Variants in NBAS observed in about 807,000 individuals in gnomAD.
NBAS encodes NBAS subunit of NRZ tethering complex, also known as NAG/BC035112 fusion.
In NBAS, 219 loss-of-function variants were observed where a neutral mutation model predicts 302.5. That is an observed-to-expected ratio of 0.72 (90% CI 0.65 to 0.81). The LOEUF is 0.81. NBAS is among the 30% of genes least tolerant of loss of function. The pLI is 0.00. For missense variants in NBAS, 2,932 were observed against 2,841.6 expected (o/e 1.03, Z -0.72); for synonymous variants, 1,118 against 1,021.6 (o/e 1.09, Z -1.80).
chr2:14,908,768 T>C, the NBAS span, among the ~76,000 whole-genome samples: 1 of 152,206 alleles, frequency 6.6e-6, no homozygotes, highest in African/African-American at 2.4e-5. Context: ...GTCTGCCAAC[T>C]GCTCTGAAGA....
At chr2:14,885,856 C>T in the NBAS span, among the ~76,000 whole-genome samples, 406 of 152,208 alleles carry the variant, frequency 2.7e-3, no homozygotes, top group African/African-American at 3.5e-3. Flanking sequence ...AACAAAGGTG[C>T]GCCTGTTAGA....
At chr2:14,924,614 C>T in the NBAS span, among the ~76,000 whole-genome samples, 19 of 152,174 alleles carry the variant, frequency 1.2e-4, no homozygotes, top group Non-Finnish European at 5.9e-5. Context: ...ATAATAATGT[C>T]CCGATAATCT....
At chr2:14,985,395 G>A in the NBAS span, among the ~76,000 whole-genome samples, 1 of 152,202 alleles carries the variant, frequency 6.6e-6, no homozygotes, top group African/African-American at 2.4e-5. Flanking sequence ...ACATAAGGTA[G>A]CAAGAGAAAA....
At chr2:15,064,661 T>C in the NBAS span, among the ~76,000 whole-genome samples, 2 of 152,156 alleles carry the variant, frequency 1.3e-5, no homozygotes, top group Non-Finnish European at 2.9e-5. Flanking sequence ...TTAAAATCAA[T>C]TCTTCTTAAA....
chr2:15,456,421 C>G (rs1308841165), intron 21 of NBAS, among the ~76,000 whole-genome samples: 1 of 152,196 alleles, frequency 6.6e-6, no homozygotes, highest in East Asian at 1.9e-4. Context: ...AAAATTCTAT[C>G]TACCCTTCTA....
intron 50 of NBAS, among the ~76,000 whole-genome samples, chr2:15,181,193 A>G (rs901451445): frequency 2.6e-5 from 4 of 152,248 alleles, no homozygotes; most frequent in Admixed American, 2.0e-4. Context: ...GTTATCAGTG[A>G]TGAGTAAACA....
chr2:15,492,177 A>AT (rs767817294), intron 11 of NBAS, among the ~76,000 whole-genome samples: 194 of 152,160 alleles, frequency 1.3e-3, no homozygotes, highest in Non-Finnish European at 2.5e-3. Flanking sequence ...AAATATTAAC[A>AT]TTTTTTCAGG....
chr2:14,881,826 C>T, the NBAS span, among the ~76,000 whole-genome samples: 1 of 152,072 alleles, frequency 6.6e-6, no homozygotes, highest in Non-Finnish European at 1.5e-5. Context: ...TACTAGCTGG[C>T]CTTTTAACAG....
chr2:15,159,778 A>C, the NBAS span, among the ~76,000 whole-genome samples: 1 of 143,520 alleles, frequency 7.0e-6, no homozygotes, highest in African/African-American at 2.7e-5. Flanking sequence ...TGCATTTTTT[A>C]CCAGTCATAC....
At chr2:14,858,336 G>A in the NBAS span, among the ~76,000 whole-genome samples, 4 of 152,014 alleles carry the variant, frequency 2.6e-5, no homozygotes, top group Admixed American at 1.3e-4. Context: ...AAGGAAATCA[G>A]TATATCAAAG....
chr2:14,899,206 G>T, the NBAS span, among the ~76,000 whole-genome samples: 1 of 152,294 alleles, frequency 6.6e-6, no homozygotes, highest in East Asian at 1.9e-4. Context: ...TCCACATTCT[G>T]CAGTAAAGCA....
At chr2:15,181,796 C>T (rs1296979959) in intron 50 of NBAS, among the ~76,000 whole-genome samples, 1 of 152,208 alleles carries the variant, frequency 6.6e-6, no homozygotes, top group African/African-American at 2.4e-5. Flanking sequence ...TGCCTTCTGT[C>T]CTCACACAAC....
the NBAS span, among the ~76,000 whole-genome samples, chr2:14,939,139 G>A: frequency 1.3e-5 from 2 of 152,336 alleles, no homozygotes; most frequent in East Asian, 1.9e-4. Flanking sequence ...AGGTGTACCA[G>A]CTGAGTGCCT....
At chr2:14,809,888 C>T in the NBAS span, among the ~76,000 whole-genome samples, 8 of 152,190 alleles carry the variant, frequency 5.3e-5, no homozygotes, top group African/African-American at 1.4e-4. Flanking sequence ...CCTATTGCAT[C>T]GGCGTGACCT....
At chr2:14,997,277 C>T in the NBAS span, among the ~76,000 whole-genome samples, 1 of 151,948 alleles carries the variant, frequency 6.6e-6, no homozygotes, top group East Asian at 1.9e-4. Context: ...CATGAGTTTA[C>T]TTATGTAAAA....
intron 17 of NBAS, 124 bp downstream of exon 17, chr2:15,468,258 T>C: frequency 1.7e-6 from 2 of 1,188,644 alleles, no homozygotes; most frequent in Non-Finnish European, 2.5e-6. Context: ...ACAGTATTGA[T>C]CAAAAGCAAC....
the NBAS span, among the ~76,000 whole-genome samples, chr2:15,047,404 G>A: frequency 1.3e-5 from 2 of 151,994 alleles, no homozygotes; most frequent in African/African-American, 2.4e-5. Flanking sequence ...GACCCCTGCA[G>A]GTGAAGGCTG....
the NBAS span, among the ~76,000 whole-genome samples, chr2:15,034,023 A>AG: frequency 9.6e-3 from 456 of 47,686 alleles, 11 homozygotes; most frequent in African/African-American, 0.014. Context: ...AAGAAGAAGA[A>AG]GAAGAGGAGG....
intron 48 of NBAS, among the ~76,000 whole-genome samples, chr2:15,203,348 G>A (rs778782165): frequency 2.0e-5 from 3 of 152,150 alleles, no homozygotes; most frequent in Non-Finnish European, 4.4e-5. Context: ...CTGTTACAAC[G>A]TTTAGATGAA....
Sources: gnomAD v4.1 joint callset for allele counts (sites outside exome capture counted in the v4.1 genomes callset) on GRCh38, gnomAD v4.1.1 for gene constraint, MANE v1.5 for transcripts, NCBI Gene and HGNC (gene_info 2026-07-23, HGNC 2026-07-21) for gene names.